CENPI: variants seen among roughly 807,000 people sequenced by gnomAD.
CENPI encodes centromere protein I.
In CENPI, 4 loss-of-function variants were observed where a neutral mutation model predicts 60.4. The observed-to-expected ratio is 0.07, with a 90% CI of 0.03 to 0.15. CENPI has a LOEUF of 0.15. Ranked by LOEUF, CENPI falls within the 10% of genes least tolerant of loss-of-function variation. The pLI is 1.00. For synonymous variants in CENPI, 157 were observed against 189.4 expected, an observed-to-expected ratio of 0.83 and a Z score of 1.40; for missense variants, 444 against 534.5, an observed-to-expected ratio of 0.83 and a Z score of 1.67.
chrX:101,101,121 A>C lies in CENPI; in HGVS notation c.51A>C (p.Ser17=). 8.3e-7 allele frequency: 1 copy of C among 1,211,770 alleles called. No homozygotes were observed. Among genetic ancestry groups the C allele is most frequent in the South Asian group, 1.8e-5 (1 of 56,998 alleles). Residue 17 remains serine (S), a synonymous_variant, in exon 3 of 22, where the codon TCA becomes TCC. Coordinates refer to ENST00000682095, the MANE Select transcript of CENPI (RefSeq NM_001386188.2). ...VKNVQAQNRT[S]QGSSSFQTTL... ...ACGTCCAGGCACAAAACAGGACTTC[A>C]CAAGGTAGTAGTAGTTTTCAGACCA...
chrX:101,123,161 A>G (rs1182338530), intron 8 of CENPI, among the ~76,000 whole-genome samples: 6 of 112,239 alleles, frequency 5.3e-5, no homozygotes, highest in African/African-American at 1.9e-4. Flanking sequence ...AGGCATAGCT[A>G]TGTTCATATG....
At chrX:101,125,119 C>T (rs1420476223) in intron 8 of CENPI, among the ~76,000 whole-genome samples, 1 of 111,503 alleles carries the variant, frequency 9.0e-6, no homozygotes, top group Non-Finnish European at 1.9e-5. Flanking sequence ...GCCTTTCATG[C>T]AATACTCCTG....
At chrX:101,112,410 A>G (rs191869048) in intron 6 of CENPI, among the ~76,000 whole-genome samples, 2 of 112,212 alleles carry the variant, frequency 1.8e-5, no homozygotes, top group African/African-American at 6.5e-5. Context: ...GATCCATTTA[A>G]AATACAAGAT....
intron 13 of CENPI, among the ~76,000 whole-genome samples, chrX:101,131,200 G>C (rs1337735850): frequency 9.1e-6 from 1 of 110,309 alleles, no homozygotes; most frequent in Non-Finnish European, 1.9e-5. Context: ...TTGTAAAAAC[G>C]GGGATTTACC....
chrX:101,140,217 T>C (rs1219470966), intron 15 of CENPI, among the ~76,000 whole-genome samples: 3 of 111,759 alleles, frequency 2.7e-5, no homozygotes, highest in African/African-American at 9.8e-5. Context: ...AATTGCTTTT[T>C]TTTTCAAAGT....
intron 4 of CENPI, among the ~76,000 whole-genome samples, chrX:101,104,237 G>T (rs1283697668): frequency 8.9e-6 from 1 of 112,631 alleles, no homozygotes; most frequent in Non-Finnish European, 1.9e-5. Context: ...GCCTCCCTAA[G>T]TGCTAGGATT....
intron 4 of CENPI, among the ~76,000 whole-genome samples, chrX:101,105,662 C>A (rs1272243439): frequency 9.0e-6 from 1 of 111,345 alleles, no homozygotes; most frequent in Admixed American, 9.6e-5. Context: ...GCAGCCTTGA[C>A]CTTCTGGACT....
intron 4 of CENPI, among the ~76,000 whole-genome samples, chrX:101,103,155 G>A (rs1257065409): frequency 3.8e-5 from 4 of 106,435 alleles, no homozygotes; most frequent in African/African-American, 1.4e-4. Flanking sequence ...CACCACGCCC[G>A]GCTAATGTTT....
At chrX:101,132,894 T>C (rs2089809162) in intron 15 of CENPI, among the ~76,000 whole-genome samples, 1 of 111,331 alleles carries the variant, frequency 9.0e-6, no homozygotes, top group Admixed American at 9.7e-5. Flanking sequence ...TTTATATTTA[T>C]AGTAATAGTC....
intron 8 of CENPI, among the ~76,000 whole-genome samples, chrX:101,126,480 A>G (rs1440373690): frequency 9.0e-6 from 1 of 111,706 alleles, no homozygotes; most frequent in Non-Finnish European, 1.9e-5. Context: ...AGGAAGAAGT[A>G]AAGTTGGAAA....
intron 15 of CENPI, among the ~76,000 whole-genome samples, chrX:101,139,743 A>G (rs1005772870): frequency 1.8e-5 from 2 of 111,263 alleles, no homozygotes; most frequent in African/African-American, 3.3e-5. Flanking sequence ...TTGGGATGGT[A>G]TGGATTGCTT....
At chrX:101,142,359 C>T (rs1355778664) in intron 16 of CENPI, among the ~76,000 whole-genome samples, 2 of 111,921 alleles carry the variant, frequency 1.8e-5, no homozygotes, top group African/African-American at 6.5e-5. Context: ...GATAATTTTG[C>T]TTGCCATATC....
rs755085449 is a variant in CENPI at position 101,112,858 on chromosome X, T to G, written c.591+2860T>G. ...TTTTTTTTTTGGGACGGAGTCTCACTCTGTTGCCGTGCCCGGCTGAGAATT... is the reference window on the plus strand; with the variant it reads ...TTTTTTTTTTGGGACGGAGTCTCACGCTGTTGCCGTGCCCGGCTGAGAATT... On this transcript the variant is annotated intron_variant, in intron 6 of 21. Coordinates refer to ENST00000682095, the MANE Select transcript of CENPI (RefSeq NM_001386188.2). Among the ~76,000 whole-genome samples the G allele has an allele frequency of 1.6e-3, 170 of 109,490 alleles. 1 individual carries two copies. Among genetic ancestry groups the G allele is most frequent in the African/African-American group, 5.4e-3 (163 of 30,164 alleles).
At chrX:101,106,631 G>C (rs111429200) in intron 4 of CENPI, among the ~76,000 whole-genome samples, 26,873 of 109,390 alleles carry the variant, frequency 0.25, 2,485 homozygotes, top group South Asian at 0.29. Flanking sequence ...TGGCCAGGCT[G>C]GTCTCGAACT....
In CENPI at chrX:101,110,009, A is replaced by G. The variant is rs2089536103; in HGVS notation, c.591+11A>G. The G allele has an allele frequency of 9.6e-7, 1 of 1,044,134 alleles. No individual in the cohort carries two copies. The highest frequency in any genetic ancestry group is 1.8e-5 in the African/African-American group (1 of 54,716). The allele number at this position is 1,044,134 out of a possible 1,213,427, so 86.0% of individuals were successfully genotyped here. A position where few individuals can be genotyped will look rare whatever the true frequency, so the allele number is the denominator to read the frequency against. On this transcript the variant is annotated intron_variant, in intron 6 of 21. Coordinates refer to ENST00000682095, the MANE Select transcript of CENPI (RefSeq NM_001386188.2). ...CAAGATGATGCACTGGTAAGTAAAAATTGGACAGCATTAGGCATCAATCAA... is the reference window on the plus strand; with the variant it reads ...CAAGATGATGCACTGGTAAGTAAAAGTTGGACAGCATTAGGCATCAATCAA...
chrX:101,143,365 G>A (rs185052058), intron 16 of CENPI, among the ~76,000 whole-genome samples: 1,309 of 111,652 alleles, frequency 0.012, 7 homozygotes, highest in Middle Eastern at 0.088. Context: ...TGAGTAGATG[G>A]ATGGATTGAA....
chrX:101,162,159 C>T (rs1347322208), intron 21 of CENPI, among the ~76,000 whole-genome samples: 3 of 109,157 alleles, frequency 2.7e-5, no homozygotes, highest in Non-Finnish European at 5.7e-5. Flanking sequence ...CAGCTGGTCT[C>T]GAACTCCTGA....
the CENPI span, among the ~76,000 whole-genome samples, chrX:101,181,160 A>G: frequency 9.1e-6 from 1 of 110,020 alleles, no homozygotes; most frequent in Non-Finnish European, 1.9e-5. Context: ...TACTGCAGTG[A>G]TCTATATGTC....
intron 4 of CENPI, among the ~76,000 whole-genome samples, chrX:101,103,337 G>C (rs754428083): frequency 1.8e-5 from 2 of 109,343 alleles, no homozygotes; most frequent in African/African-American, 6.7e-5. Context: ...TTTCCTTTTA[G>C]ACTTTGTTTA....
Sources: gnomAD v4.1 joint callset for allele counts (sites outside exome capture counted in the v4.1 genomes callset) on GRCh38, gnomAD v4.1.1 for gene constraint, MANE v1.5 for transcripts, NCBI Gene and HGNC (gene_info 2026-07-23, HGNC 2026-07-21) for gene names.